UNC80: variants seen among roughly 807,000 people sequenced by gnomAD.
UNC80 encodes the protein unc-80 subunit of NALCN channel complex, also known as protein unc-80 homolog.
In UNC80, 164 loss-of-function variants were observed where a neutral mutation model predicts 384.6. The observed-to-expected ratio is 0.43, with a 90% CI of 0.38 to 0.49. The LOEUF (loss-of-function observed/expected upper bound fraction) is 0.49, where lower values mean the gene tolerates loss of function less well. UNC80 is among the 20% of genes least tolerant of loss of function. UNC80 has a pLI of 0.00. For missense variants in UNC80, 3,330 were observed against 4,143.0 expected, an observed-to-expected ratio of 0.80 and a Z score of 5.39; for synonymous variants, 1,486 against 1,527.8, an observed-to-expected ratio of 0.97 and a Z score of 0.64.
In UNC80 at chr2:209,955,718, TATATATATATATATATATATACACACAC is replaced by T. The variant is rs1244509471; in HGVS notation, c.7457+1450_7457+1477del. ...ATATATATATATATATATATATATA[TATATATATATATATATATATACACACAC>T]ACACACACACACAGAGAGAGACTGA... On this transcript the variant is annotated intron_variant, in intron 48 of 64. Coordinates refer to ENST00000673920, the MANE Select transcript of UNC80 (RefSeq NM_001371986.1). 3.9e-4 allele frequency among the ~76,000 whole-genome samples: 33 copies of T among 83,656 alleles called. 1 individual carries two copies. Among genetic ancestry groups the T allele is most frequent in the East Asian group, 1.4e-3 (4 of 2,838 alleles). The allele number at this position is 83,656 out of a possible 152,430, so 54.9% of individuals were successfully genotyped here. A position where few individuals can be genotyped will look rare whatever the true frequency, so the allele number is the denominator to read the frequency against.
chr2:209,895,243 T>C (rs962659550), intron 27 of UNC80, among the ~76,000 whole-genome samples: 1 of 152,208 alleles, frequency 6.6e-6, no homozygotes, highest in African/African-American at 2.4e-5. Flanking sequence ...TAGGTAAAAG[T>C]TGAAGCACAT....
At chr2:209,960,761 C>T (rs561823824) in intron 51 of UNC80, among the ~76,000 whole-genome samples, 1 of 152,276 alleles carries the variant, frequency 6.6e-6, no homozygotes, top group South Asian at 2.1e-4. Flanking sequence ...AACCCCAGAG[C>T]CTCACTGGAG....
At chr2:209,900,681 T>C (rs1559292764) in intron 28 of UNC80, among the ~76,000 whole-genome samples, 1 of 152,210 alleles carries the variant, frequency 6.6e-6, no homozygotes, top group Non-Finnish European at 1.5e-5. Context: ...GAAGAAGATA[T>C]GTTGAAAGCC....
At chr2:209,932,168 C>T (rs1233359652) in intron 38 of UNC80, among the ~76,000 whole-genome samples, 1 of 152,140 alleles carries the variant, frequency 6.6e-6, no homozygotes, top group Non-Finnish European at 1.5e-5. Context: ...GAGACTCAAC[C>T]TCCCCTTAGC....
chr2:209,854,004 A>G (rs1170610567), intron 22 of UNC80, among the ~76,000 whole-genome samples: 1 of 152,100 alleles, frequency 6.6e-6, no homozygotes. Flanking sequence ...ATCAATAATT[A>G]TGTGAGGAAA....
chr2:209,881,195 G>GT, intron 25 of UNC80, 101 bp downstream of exon 25: 3 of 1,307,072 alleles, frequency 2.3e-6, no homozygotes, highest in Non-Finnish European at 3.1e-6. Context: ...TCCATGGCTA[G>GT]TGTATCACAT....
intron 28 of UNC80, among the ~76,000 whole-genome samples, chr2:209,902,135 A>G (rs1286297195): frequency 1.3e-5 from 2 of 152,158 alleles, no homozygotes; most frequent in African/African-American, 4.8e-5. Flanking sequence ...GCCAACCCTA[A>G]TGGAAGACTT....
chr2:209,780,396 G>C (rs1369533584), intron 4 of UNC80, among the ~76,000 whole-genome samples: 2 of 152,148 alleles, frequency 1.3e-5, no homozygotes, highest in Non-Finnish European at 2.9e-5. Context: ...CATTGTTCTT[G>C]AAGCTGTAGA....
rs967601478 is a variant in UNC80, at chr2:209,917,824, G to A, written c.5077G>A (p.Asp1693Asn). Reference protein sequence around the residue: ...CAVKVPEAVSDMLMSEFHHPE... With the variant: ...CAVKVPEAVSNMLMSEFHHPE... ...AGTGAAGGTGCCTGAGGCCGTGTCC[G>A]ACATGCTGATGTCAGAGTTCCACCA... is the stretch of plus-strand genomic sequence containing the variant. Residue 1693 changes from aspartate to asparagine, a missense_variant, in exon 32 of 65, where the codon GAC becomes AAC. This residue lies in a region of UNC80 where 801 missense variants were observed against 950.8 expected (regional missense o/e 0.84). Transcript: ENST00000673920. 3.9e-6 allele frequency: 6 copies of A among 1,551,994 alleles called. No individual in the cohort carries two copies. The Admixed American group carries it at 5.9e-5, about 15-fold the overall frequency.
At chr2:209,898,649 T>G (rs953055383) in intron 28 of UNC80, among the ~76,000 whole-genome samples, 1 of 152,142 alleles carries the variant, frequency 6.6e-6, no homozygotes, top group East Asian at 1.9e-4. Context: ...TTTTAGTTAT[T>G]TTTAAATGTA....
chr2:209,889,369 C>T (rs114456368), intron 26 of UNC80, among the ~76,000 whole-genome samples: 1 of 152,130 alleles, frequency 6.6e-6, no homozygotes, highest in Non-Finnish European at 1.5e-5. Context: ...AAAAATAGTT[C>T]AGTATTTTCC....
intron 47 of UNC80, among the ~76,000 whole-genome samples, chr2:209,950,999 C>T (rs888838953): frequency 6.6e-6 from 1 of 151,898 alleles, no homozygotes; most frequent in Non-Finnish European, 1.5e-5. Context: ...ATGGCAAAAC[C>T]CCGTCCCTAC....
chr2:209,928,333 C>G (rs1344232841), intron 36 of UNC80, among the ~76,000 whole-genome samples: 1 of 151,988 alleles, frequency 6.6e-6, no homozygotes, highest in Non-Finnish European at 1.5e-5. Context: ...GAGACTCCAT[C>G]TCAAAAATAA....
chr2:209,812,788 A>C (rs142817111), intron 7 of UNC80, among the ~76,000 whole-genome samples: 1,840 of 152,268 alleles, frequency 0.012, 42 homozygotes, highest in African/African-American at 0.04. Flanking sequence ...CAATTTGTTG[A>C]ACCTAAGATA....
At chr2:209,854,210 G>A (rs548121123) in intron 22 of UNC80, among the ~76,000 whole-genome samples, 45 of 151,126 alleles carry the variant, frequency 3.0e-4, no homozygotes, top group African/African-American at 8.1e-4. Context: ...TATGATTCTC[G>A]TTTGAATCAT....
intron 38 of UNC80, among the ~76,000 whole-genome samples, chr2:209,931,457 T>C (rs906721656): frequency 6.6e-6 from 1 of 151,934 alleles, no homozygotes; most frequent in Non-Finnish European, 1.5e-5. Flanking sequence ...TTTGTGTATA[T>C]ATTTTTGCAT....
intron 7 of UNC80, chr2:209,796,125 A>G (rs549560613): frequency 6.6e-6 from 1 of 152,362 alleles, no homozygotes; most frequent in Non-Finnish European, 1.5e-5. Flanking sequence ...GACCATGGGA[A>G]CCCACCTCTT....
chr2:209,898,169 C>A (rs1197861491), intron 28 of UNC80, among the ~76,000 whole-genome samples: 3 of 151,912 alleles, frequency 2.0e-5, no homozygotes, highest in Non-Finnish European at 4.4e-5. Flanking sequence ...GACCCAGAAC[C>A]AGATTTTCAT....
Position 209,970,771 on chromosome 2 carries a change from T to A in UNC80, c.8131-61T>A, listed in dbSNP as rs116234084. The A allele has an allele frequency of 5.6e-3, 8,520 of 1,518,316 alleles. 46 individuals carry two copies. The highest frequency in any genetic ancestry group is 5.9e-3 in the Non-Finnish European group (6,646 of 1,130,616). 94.1% of individuals were successfully genotyped at this position (1,518,316 alleles called of 1,614,324 possible). A position where few individuals can be genotyped will look rare whatever the true frequency, so the allele number is the denominator to read the frequency against. ...ATTATCATCATCATTGAGACTCCTT[T>A]ACTACGGTTGCATGAAATTGCAATA... On this transcript the variant is annotated intron_variant, in intron 53 of 64. Coordinates refer to ENST00000673920, the MANE Select transcript of UNC80 (RefSeq NM_001371986.1).
Sources: allele counts gnomAD v4.1 joint callset (sites outside exome capture counted in the v4.1 genomes callset), GRCh38; gene constraint gnomAD v4.1.1; regional missense constraint gnomAD v4.1.1; transcripts MANE v1.5; gene names NCBI Gene and HGNC (gene_info 2026-07-23, HGNC 2026-07-21).